Variants in USP3 observed in about 807,000 individuals in gnomAD.
The protein encoded by USP3 is ubiquitin specific peptidase 3.
A neutral mutation model predicts 72.3 loss-of-function variants in USP3; 20 were observed. That is an observed-to-expected ratio of 0.28 (90% CI 0.19 to 0.40). USP3 has a LOEUF of 0.40. Ranked by LOEUF, USP3 falls within the 10% of genes least tolerant of loss-of-function variation. USP3 has a pLI of 1.00. For missense variants in USP3, 479 were observed against 633.9 expected (o/e 0.76, Z 2.62); for synonymous variants, 222 against 225.3 (o/e 0.99, Z 0.13).
chr15:63,566,411 C>T (rs2066692335), intron 8 of USP3, among the ~76,000 whole-genome samples: 1 of 151,730 alleles, frequency 6.6e-6, no homozygotes, highest in African/African-American at 2.4e-5. Context: ...TTCCTGGGTT[C>T]AAGTGATTCT....
At chr15:63,521,188 T>C (rs1415714336) in intron 1 of USP3, among the ~76,000 whole-genome samples, 1 of 150,806 alleles carries the variant, frequency 6.6e-6, no homozygotes, top group Non-Finnish European at 1.5e-5. Context: ...TGTCACTCCA[T>C]GTTTGTAGGA....
chr15:63,591,311 A>ACTG lies in USP3; in HGVS notation c.*489_*491dup. ...TTGTGGCCCACAAAATTTCACAATG[A>ACTG]CTGCTGAGGAATCATTCTTTTTGCC... On this transcript the variant is annotated 3_prime_UTR_variant, in exon 15 of 15. Coordinates refer to ENST00000380324, the MANE Select transcript of USP3 (RefSeq NM_006537.4). The ACTG allele has an allele frequency of 6.5e-6, 1 of 152,968 alleles. No individual in the cohort carries two copies. The highest frequency in any genetic ancestry group is 1.9e-4 in the East Asian group (1 of 5,202). 9.5% of individuals were successfully genotyped at this position (152,968 alleles called of 1,614,324 possible).
chr15:63,558,246 G>T (rs374918877), intron 6 of USP3, 58 bp downstream of exon 6: 1 of 1,576,304 alleles, frequency 6.3e-7, no homozygotes. Context: ...CACGGGCTCT[G>T]GCTCCCTATC....
chr15:63,588,860 G>A lies in USP3; in HGVS notation c.1329+45G>A. Reference sequence around the variant, plus strand: ...AGCATGGTGAAAAAATGGCTCTTCAGTAAGATTGTCATCACATGGAGAGGG... The same window carrying A: ...AGCATGGTGAAAAAATGGCTCTTCAATAAGATTGTCATCACATGGAGAGGG... On this transcript the variant is annotated intron_variant, in intron 13 of 14. Transcript: ENST00000380324. The surrounding 1 kb of genome is among the most constrained non-coding windows in gnomAD (Gnocchi z 4.6). 1 of 1,610,806 alleles carries A rather than the reference G, an allele frequency of 6.2e-7. No homozygotes were observed. The highest frequency in any genetic ancestry group is 8.5e-7 in the Non-Finnish European group (1 of 1,177,058).
chr15:63,517,939 A>C (rs998598024), intron 1 of USP3, among the ~76,000 whole-genome samples: 4 of 151,618 alleles, frequency 2.6e-5, no homozygotes, highest in Non-Finnish European at 4.4e-5. Context: ...GTTACCTCAC[A>C]CTGTTCTCTT....
In USP3 at chr15:63,588,241, TCTACAGTA is replaced by T. The variant is rs1224472787; in HGVS notation, c.1097-62_1097-55del. Reference sequence around the variant, plus strand: ...TGAGATTTTAAACCTGGGTCTTTTTTCTACAGTACATTGCCTCTACAAAAGGCATCTTG... The same window carrying T: ...TGAGATTTTAAACCTGGGTCTTTTTTCATTGCCTCTACAAAAGGCATCTTG... On this transcript the variant is annotated intron_variant, in intron 11 of 14. Transcript: ENST00000380324. This position sits in a 1 kb window ranked among gnomAD's most constrained non-coding sequence, Gnocchi z 4.6. 45 of 1,273,600 alleles carry T rather than the reference TCTACAGTA, an allele frequency of 3.5e-5. 1 individual carries two copies. In the South Asian group the frequency reaches 6.4e-4, roughly 18 times the overall value. 78.9% of individuals were successfully genotyped at this position (1,273,600 alleles called of 1,614,324 possible). A position where few individuals can be genotyped will look rare whatever the true frequency, so the allele number is the denominator to read the frequency against.
At chr15:63,558,398 A>G (rs1048808656) in intron 6 of USP3, among the ~76,000 whole-genome samples, 3 of 152,120 alleles carry the variant, frequency 2.0e-5, no homozygotes, top group African/African-American at 7.2e-5. Flanking sequence ...TAATTTGTCT[A>G]AAGTACTTAG....
At chr15:63,521,366 C>T (rs952309184) in intron 1 of USP3, among the ~76,000 whole-genome samples, 4 of 152,062 alleles carry the variant, frequency 2.6e-5, no homozygotes, top group African/African-American at 4.8e-5. Context: ...TTTGTATTAT[C>T]AGGTATCTTC....
chr15:63,547,743 AGGGAGGGAGGGAGG>A (rs1567108479), intron 3 of USP3, among the ~76,000 whole-genome samples: 2 of 7,660 alleles, frequency 2.6e-4, no homozygotes, highest in Admixed American at 1.4e-3. Context: ...AGAGAGAGAG[AGGGAGGGAGGGAGG>A]GAGGGAGAGA....
At chr15:63,525,355 G>A (rs2065967142) in intron 1 of USP3, among the ~76,000 whole-genome samples, 1 of 152,096 alleles carries the variant, frequency 6.6e-6, no homozygotes, top group South Asian at 2.1e-4. Context: ...TCACCCCTTT[G>A]ACCCTAAGTA....
intron 1 of USP3, among the ~76,000 whole-genome samples, chr15:63,505,264 G>T (rs2065696180): frequency 6.6e-6 from 1 of 152,176 alleles, no homozygotes; most frequent in Non-Finnish European, 1.5e-5. Flanking sequence ...CCGCAGACAG[G>T]GCGGGAAGAG....
At chr15:63,534,912 ATTTG>A (rs35784460) in intron 2 of USP3, among the ~76,000 whole-genome samples, 71,323 of 150,534 alleles carry the variant, frequency 0.47, 17,797 homozygotes, top group Non-Finnish European at 0.55. Flanking sequence ...TTTGCCTTTT[ATTTG>A]TTTATTTATT....
At chr15:63,590,581 T>G in intron 14 of USP3, 80 bp from the exon 15 acceptor site, 3 of 1,313,590 alleles carry the variant, frequency 2.3e-6, no homozygotes, top group East Asian at 5.3e-5. Context: ...TATTAAAATT[T>G]AAATCTAACA....
intron 2 of USP3, chr15:63,533,996 A>T: frequency 2.1e-6 from 1 of 480,272 alleles, no homozygotes. Flanking sequence ...CTAAATCTTG[A>T]TGGTCATGTG....
intron 11 of USP3, among the ~76,000 whole-genome samples, chr15:63,577,954 T>C (rs867437706): frequency 7.0e-6 from 1 of 143,820 alleles, no homozygotes; most frequent in African/African-American, 2.6e-5. Context: ...AAAGTCCAAA[T>C]AGATACTGAT....
chr15:63,519,140 T>C (rs2065886999), intron 1 of USP3, among the ~76,000 whole-genome samples: 1 of 152,204 alleles, frequency 6.6e-6, no homozygotes, highest in Non-Finnish European at 1.5e-5. Flanking sequence ...TGTTACCTAA[T>C]GCACATTCCA....
At position 63,588,345 on chromosome 15, in the gene USP3, G is replaced by T. The variant is rs1297435943; in HGVS notation, c.1137G>T (p.Glu379Asp). 4 of 1,600,668 alleles carry T rather than the reference G, an allele frequency of 2.5e-6. No homozygotes were observed. The East Asian group carries it at 8.9e-5, about 36-fold the overall frequency. The change falls in exon 12 of 15, where the codon GAG (glutamate) becomes GAT (aspartate). Residue 379 changes from glutamate (E) to aspartate (D), a missense_variant. By Grantham distance (45) the Glu-to-Asp change is conservative (BLOSUM62 2). Coordinates refer to ENST00000380324, the MANE Select transcript of USP3 (RefSeq NM_006537.4). The surrounding 1 kb of genome is among the most constrained non-coding windows in gnomAD (Gnocchi z 4.6). ...TTACCGACTTAGAAGAACTTGATGA[G>T]ACAGAGTTATATATGTGCCATAAAT... ...RSFTDLEELD[E>D]TELYMCHKCK...
intron 1 of USP3, among the ~76,000 whole-genome samples, chr15:63,514,833 G>C (rs1453666423): frequency 6.6e-6 from 1 of 152,092 alleles, no homozygotes; most frequent in Non-Finnish European, 1.5e-5. Flanking sequence ...CATGTCTTTT[G>C]AAGTGCCACC....
Position 63,530,297 on chromosome 15 carries a change from T to C in USP3, c.92-2350T>C, listed in dbSNP as rs185973149. Among the ~76,000 whole-genome samples the C allele has an allele frequency of 2.1e-5, 3 of 141,708 alleles. No individual in the cohort carries two copies. The East Asian group carries it at 7.5e-4, about 36-fold the overall frequency. The allele number at this position is 141,708 out of a possible 152,430, so 93.0% of individuals were successfully genotyped here. On this transcript the variant is annotated intron_variant, in intron 1 of 14. Coordinates refer to ENST00000380324, the MANE Select transcript of USP3 (RefSeq NM_006537.4). Reference sequence around the variant, plus strand: ...TCCCTCCCTCCCTCCTTCCCTCCCTTCCTTCCTTCCTTCATTCCTTACATC... The same window carrying C: ...TCCCTCCCTCCCTCCTTCCCTCCCTCCCTTCCTTCCTTCATTCCTTACATC...
Sources: allele counts gnomAD v4.1 joint callset (sites outside exome capture counted in the v4.1 genomes callset), GRCh38; gene constraint gnomAD v4.1.1; non-coding constraint Gnocchi (gnomAD v3.1); transcripts MANE v1.5; gene names NCBI Gene and HGNC (gene_info 2026-07-23, HGNC 2026-07-21).